UPRT: variants seen among roughly 807,000 people sequenced by gnomAD.
UPRT encodes the protein uracil phosphoribosyltransferase homolog.
A neutral mutation model predicts 22.6 loss-of-function variants in UPRT; 5 were observed. The ratio of observed to expected loss-of-function variants is 0.22; its 90% CI spans 0.12 to 0.47. The LOEUF is 0.47. Among genes scored for constraint, UPRT ranks in the 20% least tolerant of loss-of-function variants. UPRT has a pLI of 0.99. For missense variants in UPRT, 181 were observed against 239.9 expected, an observed-to-expected ratio of 0.75 and a Z score of 1.62; for synonymous variants, 77 against 87.7, an observed-to-expected ratio of 0.88 and a Z score of 0.68.
intron 1 of UPRT, among the ~76,000 whole-genome samples, chrX:75,284,402 T>C (rs1358423127): frequency 9.8e-5 from 11 of 111,839 alleles, no homozygotes; most frequent in African/African-American, 3.6e-4. Context: ...GTTTGTTTTC[T>C]GTTTCATTCT....
intron 4 of UPRT, among the ~76,000 whole-genome samples, chrX:75,200,550 C>T (rs1363924099): frequency 8.9e-6 from 1 of 112,302 alleles, no homozygotes; most frequent in Non-Finnish European, 1.9e-5. Flanking sequence ...GCCAAGATTG[C>T]GTCACCGCAC....
intron 4 of UPRT, among the ~76,000 whole-genome samples, chrX:75,214,498 G>A (rs953430980): frequency 8.9e-6 from 1 of 112,756 alleles, no homozygotes; most frequent in Non-Finnish European, 1.9e-5. Context: ...AAGGGAACAT[G>A]ATGAGGTGGA....
chrX:75,230,458 G>A (rs970913569), intron 4 of UPRT, among the ~76,000 whole-genome samples: 5 of 111,650 alleles, frequency 4.5e-5, no homozygotes, highest in Non-Finnish European at 1.9e-5. Context: ...ACTGCAGCTG[G>A]TGCCCTCTTG....
chrX:75,188,339 G>T (rs778931614), intron 4 of UPRT, among the ~76,000 whole-genome samples: 7 of 112,085 alleles, frequency 6.2e-5, no homozygotes, highest in Non-Finnish European at 1.1e-4. Context: ...CTGCTCGGTG[G>T]TCAGGGGTCA....
At chrX:75,290,098 A>G (rs1385991696) in intron 1 of UPRT, among the ~76,000 whole-genome samples, 1 of 112,221 alleles carries the variant, frequency 8.9e-6, no homozygotes, top group Non-Finnish European at 1.9e-5. Flanking sequence ...ACTTAAACAC[A>G]TTGAACGAGC....
intron 2 of UPRT, among the ~76,000 whole-genome samples, chrX:75,161,760 C>T (rs913716319): frequency 1.8e-5 from 2 of 111,781 alleles, no homozygotes; most frequent in African/African-American, 3.3e-5. Context: ...TAGTAAACAG[C>T]GGAGTCAAAA....
In UPRT at chrX:75,251,323, A is replaced by T. The variant is rs764183394; in HGVS notation, c.-446-39701A>T. ...TATATCTAGAAAACCCGATCGTCTCAGCCCAAAATCTCCTTAAGCTGATAA... is the reference window on the plus strand; with the variant it reads ...TATATCTAGAAAACCCGATCGTCTCTGCCCAAAATCTCCTTAAGCTGATAA... On this transcript the variant is annotated intron_variant, in intron 4 of 13. Transcript: ENST00000652605. 9.8e-5 allele frequency among the ~76,000 whole-genome samples: 11 copies of T among 111,818 alleles called. No homozygotes were observed. In the East Asian group the frequency reaches 3.1e-3, roughly 31 times the overall value.
intron 4 of UPRT, among the ~76,000 whole-genome samples, chrX:75,203,859 A>G (rs1209601224): frequency 8.9e-6 from 1 of 111,732 alleles, no homozygotes; most frequent in Non-Finnish European, 1.9e-5. Flanking sequence ...GGTCTGCAAA[A>G]TGGTGGGGGG....
chrX:75,300,746 C>G, intron 5 of UPRT, 121 bp from the exon 6 acceptor site: 1 of 511,185 alleles, frequency 2.0e-6, no homozygotes, highest in Non-Finnish European at 3.2e-6. Context: ...GAGATCATGC[C>G]ACTGCACTCC....
exon 2 of UPRT, among the ~76,000 whole-genome samples, chrX:75,160,642 G>A (rs1453583239): frequency 2.7e-5 from 3 of 111,509 alleles, no homozygotes; most frequent in Admixed American, 9.6e-5. Context: ...GGATCCTCCC[G>A]CTTCAGCCTC....
upstream of UPRT, among the ~76,000 whole-genome samples, chrX:75,272,359 T>C (rs1190957837): frequency 1.2e-5 from 1 of 83,510 alleles, no homozygotes; most frequent in Non-Finnish European, 2.4e-5. Context: ...TATATATATG[T>C]GTATATATAT....
Position 75,259,941 on chromosome X carries a change from G to A in UPRT, c.-446-31083G>A, listed in dbSNP as rs911184354. On this transcript the variant is annotated intron_variant, in intron 4 of 13. Transcript: ENST00000652605. ...AACCATACAAGCCAGAAGAGAGTGGGGGCCAATATTCAACATTCTTAAAGA... is the reference window on the plus strand; with the variant it reads ...AACCATACAAGCCAGAAGAGAGTGGAGGCCAATATTCAACATTCTTAAAGA... 3.6e-5 allele frequency among the ~76,000 whole-genome samples: 4 copies of A among 111,782 alleles called. No individual in the cohort carries two copies. In the East Asian group the frequency reaches 1.1e-3, roughly 31 times the overall value.
chrX:75,258,681 C>A lies in UPRT; in HGVS notation c.-446-32343C>A, dbSNP rs147747770. 2.7e-4 allele frequency among the ~76,000 whole-genome samples: 30 copies of A among 111,833 alleles called. No homozygotes were observed. In the East Asian group the frequency reaches 8.2e-3, roughly 31 times the overall value. ...GGGACAGAGCACCTCAGGGAAGGGG[C>A]GGCTGTGGGCATAGCTTCAGCAGAA... On this transcript the variant is annotated intron_variant, in intron 4 of 13. Transcript: ENST00000652605.
intron 4 of UPRT, among the ~76,000 whole-genome samples, chrX:75,252,886 T>G (rs1377662383): frequency 8.9e-6 from 1 of 112,119 alleles, no homozygotes; most frequent in Non-Finnish European, 1.9e-5. Context: ...GTTCATGTCC[T>G]TTTTAGGGAG....
Position 75,281,470 on chromosome X carries a change from T to C in UPRT, c.386+6830T>C, listed in dbSNP as rs761061483. On this transcript the variant is annotated intron_variant, in intron 1 of 6. Coordinates refer to ENST00000373383, the MANE Select transcript of UPRT (RefSeq NM_145052.4). Reference sequence around the variant, plus strand: ...CTGATTTTGCTGAGAGTTTTAATCATGGAGGTATGCTGCATTTTGTTGAAT... The same window carrying C: ...CTGATTTTGCTGAGAGTTTTAATCACGGAGGTATGCTGCATTTTGTTGAAT... 2.7e-5 allele frequency among the ~76,000 whole-genome samples: 3 copies of C among 111,974 alleles called. No homozygotes were observed. In the East Asian group the frequency reaches 8.4e-4, roughly 31 times the overall value.
At chrX:75,234,190 G>C (rs972787465) in intron 4 of UPRT, among the ~76,000 whole-genome samples, 1 of 111,189 alleles carries the variant, frequency 9.0e-6, no homozygotes, top group Admixed American at 9.5e-5. Flanking sequence ...AGACAAAGAA[G>C]GCCATTACTC....
At position 75,274,475 on chromosome X, in the gene UPRT, T is replaced by C. The variant is rs774158580; in HGVS notation, c.221T>C (p.Leu74Pro). The C allele has an allele frequency of 8.3e-7, 1 of 1,211,635 alleles. No individual in the cohort carries two copies. The highest frequency in any genetic ancestry group is 1.7e-5 in the African/African-American group (1 of 57,799). Residue 74 changes from leucine (L) to proline (P), a missense_variant, in exon 1 of 7, where the codon CTC becomes CCC. Transcript: ENST00000373383. ...TCTGGGGCCTGCGGCGGCTCCAGCCTCAACTCAGAGGGCAACAGTGGTAGT... is the reference window on the plus strand; with the variant it reads ...TCTGGGGCCTGCGGCGGCTCCAGCCCCAACTCAGAGGGCAACAGTGGTAGT... The part of the protein sequence containing the change: ...LDSGACGGSS[L>P]NSEGNSGSGD...
At chrX:75,186,123 A>G (rs1376532223) in intron 4 of UPRT, among the ~76,000 whole-genome samples, 3 of 110,175 alleles carry the variant, frequency 2.7e-5, no homozygotes, top group Non-Finnish European at 3.8e-5. Flanking sequence ...TAGGGTGTCA[A>G]TTTTGGATCT....
At chrX:75,178,503 C>T (rs1334974985) in intron 4 of UPRT, among the ~76,000 whole-genome samples, 1 of 111,818 alleles carries the variant, frequency 8.9e-6, no homozygotes. Context: ...AAGAATGAAG[C>T]CGCGGACCCT....
Sources: allele counts gnomAD v4.1 joint callset (sites outside exome capture counted in the v4.1 genomes callset), GRCh38; gene constraint gnomAD v4.1.1; transcripts MANE v1.5; gene names NCBI Gene and HGNC (gene_info 2026-07-23, HGNC 2026-07-21).